PLCB4: variants seen among roughly 807,000 people sequenced by gnomAD.
The protein encoded by PLCB4 is phospholipase C beta 4.
A neutral mutation model predicts 178.8 loss-of-function variants in PLCB4; 77 were observed. The ratio of observed to expected loss-of-function variants is 0.43; its 90% confidence interval spans 0.36 to 0.52. The LOEUF is 0.52. PLCB4 is among the 20% of genes least tolerant of loss of function. The pLI is 0.00. For missense variants in PLCB4, 1,024 were observed against 1,453.4 expected, an observed-to-expected ratio of 0.70 and a Z score of 4.80; for synonymous variants, 496 against 490.8, an observed-to-expected ratio of 1.01 and a Z score of -0.14.
intron 35 of PLCB4, among the ~76,000 whole-genome samples, chr20:9,462,306 G>A (rs1421087475): frequency 6.6e-6 from 1 of 152,208 alleles, no homozygotes; most frequent in African/African-American, 2.4e-5. Flanking sequence ...CAAAGATGGG[G>A]AGAAACCAGA....
At chr20:9,253,905 A>T (rs1204994114) in intron 3 of PLCB4, among the ~76,000 whole-genome samples, 1 of 152,212 alleles carries the variant, frequency 6.6e-6, no homozygotes, top group Non-Finnish European at 1.5e-5. Context: ...CACATGAAAA[A>T]ATAAGTGCTC....
chr20:9,112,145 A>G (rs1403807880), intron 2 of PLCB4, among the ~76,000 whole-genome samples: 4 of 152,012 alleles, frequency 2.6e-5, no homozygotes, highest in Non-Finnish European at 4.4e-5. Context: ...ACCAATTTTT[A>G]TTATGTAGTT....
At chr20:9,098,635 C>CAT (rs1015258376) in intron 2 of PLCB4, among the ~76,000 whole-genome samples, 9 of 149,552 alleles carry the variant, frequency 6.0e-5, no homozygotes, top group African/African-American at 2.2e-4. Flanking sequence ...TATATATACA[C>CAT]ATATATATAC....
chr20:9,171,849 T>G (rs184620951), intron 2 of PLCB4, among the ~76,000 whole-genome samples: 308 of 152,260 alleles, frequency 2.0e-3, no homozygotes, highest in Admixed American at 3.5e-3. Flanking sequence ...CTCCTCATAA[T>G]TTTAAGCCTC....
intron 2 of PLCB4, among the ~76,000 whole-genome samples, chr20:9,111,075 G>A (rs1329476346): frequency 6.6e-6 from 1 of 152,136 alleles, no homozygotes; most frequent in Non-Finnish European, 1.5e-5. Flanking sequence ...AACTTTCCAT[G>A]TCATATACGT....
At chr20:9,407,372 C>CT (rs1193918345) in intron 21 of PLCB4, among the ~76,000 whole-genome samples, 11,942 of 141,656 alleles carry the variant, frequency 0.084, 1,129 homozygotes, top group African/African-American at 0.23. Flanking sequence ...ATAGTAATTT[C>CT]TTTTTTTTTT....
intron 3 of PLCB4, among the ~76,000 whole-genome samples, chr20:9,306,867 A>G (rs879592799): frequency 2.0e-5 from 3 of 152,050 alleles, no homozygotes; most frequent in Non-Finnish European, 2.9e-5. Flanking sequence ...TGTCCTACTC[A>G]CTGTCTATAA....
chr20:9,273,818 G>C (rs1446863454), intron 3 of PLCB4, among the ~76,000 whole-genome samples: 3 of 151,826 alleles, frequency 2.0e-5, no homozygotes, highest in African/African-American at 7.3e-5. Flanking sequence ...GTGTATTGTT[G>C]TGAGCCACTG....
chr20:9,239,834 C>T (rs1456441446), intron 3 of PLCB4, among the ~76,000 whole-genome samples: 1 of 152,192 alleles, frequency 6.6e-6, no homozygotes. Flanking sequence ...GAGCCCCCGG[C>T]AAACCACAGT....
intron 25 of PLCB4, among the ~76,000 whole-genome samples, chr20:9,412,832 T>C (rs1568771796): frequency 6.6e-6 from 1 of 152,236 alleles, no homozygotes. Context: ...TGTACGCTTG[T>C]TGGGGTAAGG....
chr20:9,440,630 A>G (rs2042049063), intron 30 of PLCB4, among the ~76,000 whole-genome samples: 2 of 152,206 alleles, frequency 1.3e-5, no homozygotes, highest in South Asian at 2.1e-4. Flanking sequence ...GGCCCAGCTC[A>G]GATTCAAGAG....
chr20:9,079,189 C>G (rs1365655506), intron 1 of PLCB4, among the ~76,000 whole-genome samples: 1 of 152,186 alleles, frequency 6.6e-6, no homozygotes, highest in Admixed American at 6.5e-5. Context: ...CAGTGGAGGG[C>G]ACCACCTGGT....
At chr20:9,373,176 A>C in intron 12 of PLCB4, 72 bp downstream of exon 12, 2 of 718,244 alleles carry the variant, frequency 2.8e-6, no homozygotes, top group Non-Finnish European at 5.0e-6. Flanking sequence ...TCCTCATTGC[A>C]TGCCTGCATC....
At chr20:9,208,876 T>A (rs1030313517) in intron 2 of PLCB4, among the ~76,000 whole-genome samples, 1 of 152,246 alleles carries the variant, frequency 6.6e-6, no homozygotes, top group African/African-American at 2.4e-5. Context: ...GTTATGTATA[T>A]GCTGCCTCTG....
chr20:9,245,738 T>G (rs941201569), intron 3 of PLCB4, among the ~76,000 whole-genome samples: 6 of 44,792 alleles, frequency 1.3e-4, no homozygotes, highest in East Asian at 2.1e-3. Flanking sequence ...ATCTGGTGGG[T>G]TTTTTTTTTT....
intron 2 of PLCB4, among the ~76,000 whole-genome samples, chr20:9,129,102 T>C (rs1035573997): frequency 6.6e-6 from 1 of 152,226 alleles, no homozygotes; most frequent in Non-Finnish European, 1.5e-5. Context: ...TTCCACCTTT[T>C]GGCTATTGTG....
intron 1 of PLCB4, among the ~76,000 whole-genome samples, chr20:9,090,281 G>A (rs1369501403): frequency 1.3e-5 from 2 of 150,868 alleles, no homozygotes; most frequent in Non-Finnish European, 3.0e-5. Context: ...TTGAAATGAT[G>A]CATTACTGAA....
chr20:9,423,994 T>G, intron 28 of PLCB4, 42 bp downstream of exon 28: 1 of 1,179,434 alleles, frequency 8.5e-7, no homozygotes, highest in Non-Finnish European at 1.3e-6. Context: ...ATAGATGAGG[T>G]CCTAGATTAT....
At chr20:9,150,375 G>C (rs1264279187) in intron 2 of PLCB4, among the ~76,000 whole-genome samples, 1 of 152,140 alleles carries the variant, frequency 6.6e-6, no homozygotes, top group Non-Finnish European at 1.5e-5. Flanking sequence ...AGCAGAGTAA[G>C]TGGTCTGGGA....
Sources: allele counts gnomAD v4.1 joint callset (sites outside exome capture counted in the v4.1 genomes callset), GRCh38; gene constraint gnomAD v4.1.1; transcripts MANE v1.5; gene names NCBI Gene and HGNC (gene_info 2026-07-23, HGNC 2026-07-21).